The following HOXA3 variants were observed in gnomAD, a reference collection of about 807,000 sequenced individuals.
The protein encoded by HOXA3 is homeobox A3.
In HOXA3, 8 loss-of-function variants were observed where a neutral mutation model predicts 30.3. The ratio of observed to expected loss-of-function variants is 0.26; its 90% confidence interval spans 0.15 to 0.48. The LOEUF (loss-of-function observed/expected upper bound fraction) is 0.48, where lower values mean the gene tolerates loss of function less well. Ranked by LOEUF, HOXA3 falls within the 20% of genes least tolerant of loss-of-function variation. HOXA3 has a pLI of 0.99. For missense variants in HOXA3, 653 were observed against 614.4 expected, an observed-to-expected ratio of 1.06 and a Z score of -0.66; for synonymous variants, 323 against 273.1, an observed-to-expected ratio of 1.18 and a Z score of -1.80.
chr7:27,147,728 G>T (rs753858296), intron 1 of HOXA3: 4 of 1,609,648 alleles, frequency 2.5e-6, no homozygotes, highest in Non-Finnish European at 3.4e-6. Context: ...GGGAAAGTGG[G>T]ATTCACAAAA....
chr7:27,108,370 A>C lies in HOXA3; in HGVS notation c.877T>G (p.Ser293Ala). 6.4e-7 allele frequency: 1 copy of C among 1,565,750 alleles called. No homozygotes were observed. ...LVNSVPYEPQ[S>A]PPPFSKPPQG... ...GGGGGCTTGGAGAAGGGCGGGGGCG[A>C]CTGGGGCTCATACGGGACGCTGTTG... Residue 293 changes from serine to alanine, a missense_variant, in exon 6 of 6, where the codon TCG becomes GCG. By Grantham distance (99) the Ser-to-Ala change is moderately conservative. This residue lies in a region of HOXA3 where 330 missense variants were observed against 274.4 expected (regional missense o/e 1.20). Transcript: ENST00000612286. This position sits in a 1 kb window ranked among gnomAD's most constrained non-coding sequence, Gnocchi z 5.0.
intron 2 of HOXA3, chr7:27,129,329 C>G: frequency 6.2e-7 from 1 of 1,614,114 alleles, no homozygotes; most frequent in Non-Finnish European, 8.5e-7. Context: ...GAGGCCGAGG[C>G]CGAATTGGAG....
At chr7:27,147,566 T>A (rs1374676181) in intron 1 of HOXA3, 1 of 1,614,152 alleles carries the variant, frequency 6.2e-7, no homozygotes, top group African/African-American at 1.3e-5. Context: ...AGGACCGAGT[T>A]GGACTGTTGG....
intron 1 of HOXA3, 24 bp from the exon 2 acceptor site, chr7:27,140,210 C>T (rs1472842611): frequency 6.6e-6 from 1 of 151,994 alleles, no homozygotes; most frequent in Non-Finnish European, 1.5e-5. Flanking sequence ...AAATGGAGTC[C>T]AGCGTTAGTG....
intron 2 of HOXA3, among the ~76,000 whole-genome samples, chr7:27,127,756 T>A (rs929248): frequency 0.95 from 144,634 of 152,264 alleles, 68,781 homozygotes; most frequent in East Asian, 1. Flanking sequence ...GAGCAGAAAA[T>A]TCACAAAGCA....
At position 27,113,711 on chromosome 7, in the gene HOXA3, C is replaced by T. The variant is rs1057494967; in HGVS notation, c.-120-2951G>A. 1.3e-5 allele frequency: 2 copies of T among 152,300 alleles called. No individual in the cohort carries two copies. Among genetic ancestry groups the T allele is most frequent in the African/African-American group, 4.8e-5 (2 of 41,470 alleles). The allele number at this position is 152,300 out of a possible 1,614,324, so 9.4% of individuals were successfully genotyped here. On this transcript the variant is annotated intron_variant, in intron 4 of 5. Transcript: ENST00000612286. This position sits in a 1 kb window ranked among gnomAD's most constrained non-coding sequence, Gnocchi z 4.8. The stretch of plus-strand genomic sequence containing the variant: ...TGGCTTGGCGGCCCGGCCGGGTCCC[C>T]TCGGCGCGGGATGGGCACGGACCCT...
intron 1 of HOXA3, chr7:27,145,871 C>A: frequency 6.2e-7 from 1 of 1,614,064 alleles, no homozygotes; most frequent in East Asian, 2.2e-5. Flanking sequence ...TCTGGTAGCG[C>A]GTGTAGGTCT....
At position 27,130,257 on chromosome 7, in the gene HOXA3, C is replaced by A. The variant is rs112274824; in HGVS notation, c.-389-3187G>T. On this transcript the variant is annotated intron_variant, in intron 2 of 5. Transcript: ENST00000612286. ...CCGGGACGCCTGGGGTGGCGGGGGC[C>A]GCCTCGCAGCGCCGCGGGGCCGCTG... The A allele has an allele frequency of 8.6e-4, 1,032 of 1,194,018 alleles. 10 individuals are homozygous for A. In the African/African-American group the frequency reaches 0.015, roughly 17 times the overall value. The allele number at this position is 1,194,018 out of a possible 1,614,324, so 74.0% of individuals were successfully genotyped here.
At chr7:27,149,354 A>T (rs910445610) in intron 1 of HOXA3, among the ~76,000 whole-genome samples, 5 of 152,164 alleles carry the variant, frequency 3.3e-5, no homozygotes, top group Admixed American at 1.3e-4. Context: ...GATCTGTAAA[A>T]CCCTGGCCAA....
intron 1 of HOXA3, chr7:27,147,014 C>CCT (rs938116188): frequency 3.1e-5 from 15 of 476,200 alleles, no homozygotes; most frequent in African/African-American, 3.9e-5. Context: ...TCCCCACCAG[C>CCT]CTCTCTCTCT....
chr7:27,152,476 G>A lies in HOXA3; in HGVS notation c.-682C>T. 1 of 1,169,192 alleles carries A rather than the reference G, an allele frequency of 8.6e-7. No individual in the cohort carries two copies. The highest frequency in any genetic ancestry group is 1.1e-6 in the Non-Finnish European group (1 of 931,920). 72.4% of individuals were successfully genotyped at this position (1,169,192 alleles called of 1,614,324 possible). On this transcript the variant is annotated 5_prime_UTR_variant, in exon 1 of 6. Transcript: ENST00000612286. ...TCTCCAGCGGGAGCCGCCAGGCCTG[G>A]CCTGGCCGGGGCTTCCCTTCGCTCG...
intron 4 of HOXA3, among the ~76,000 whole-genome samples, chr7:27,119,154 C>G (rs920202812): frequency 7.1e-6 from 1 of 141,424 alleles, no homozygotes; most frequent in African/African-American, 2.6e-5. Flanking sequence ...GAGACCCCCC[C>G]CCCCAAAAAA....
chr7:27,131,076 C>G (rs1430479346), intron 2 of HOXA3, among the ~76,000 whole-genome samples: 1 of 152,154 alleles, frequency 6.6e-6, no homozygotes. Context: ...GCTTTGGACC[C>G]CAGCCCCCCA....
At chr7:27,141,557 G>T (rs1782570340) in intron 1 of HOXA3, 1 of 283,680 alleles carries the variant, frequency 3.5e-6, no homozygotes, top group Non-Finnish European at 6.6e-6. Flanking sequence ...TTTTGTTATA[G>T]TTACTTCAAG....
chr7:27,114,871 T>TAATATATATTATATATATTA (rs1205329439), intron 4 of HOXA3, among the ~76,000 whole-genome samples: 3 of 110,816 alleles, frequency 2.7e-5, no homozygotes, highest in African/African-American at 9.9e-5. Flanking sequence ...ATAATATATA[T>TAATATATATTATATATATTA]TATATATATG....
chr7:27,128,381 A>G lies in HOXA3; in HGVS notation c.-389-1311T>C, dbSNP rs1468074377. On this transcript the variant is annotated intron_variant, in intron 2 of 5. Transcript: ENST00000612286. ...CATACATACACACACTCTCACACAC[A>G]AATTATGTGAGCCGTCAGAATCCAA... 7.9e-5 allele frequency: 12 copies of G among 152,392 alleles called. No individual in the cohort carries two copies. In the East Asian group the frequency reaches 2.1e-3, roughly 27 times the overall value. 9.4% of individuals were successfully genotyped at this position (152,392 alleles called of 1,614,324 possible). A position where few individuals can be genotyped will look rare whatever the true frequency, so the allele number is the denominator to read the frequency against.
At chr7:27,151,405 G>T (rs1782968235) in intron 1 of HOXA3, 3 of 337,634 alleles carry the variant, frequency 8.9e-6, no homozygotes, top group Admixed American at 4.1e-5. Context: ...TCGCCAGTCC[G>T]TTGCGCCAAG....
intron 4 of HOXA3, chr7:27,116,708 T>C (rs771081287): frequency 5.9e-5 from 9 of 152,202 alleles, no homozygotes; most frequent in Non-Finnish European, 1.0e-4. Context: ...CTATATTATT[T>C]ATGAGTCTTT....
At chr7:27,148,404 T>C (rs1470731458) in intron 1 of HOXA3, among the ~76,000 whole-genome samples, 1 of 152,220 alleles carries the variant, frequency 6.6e-6, no homozygotes. Flanking sequence ...TAGGAATCGG[T>C]GAACTCCCTC....
Sources: gnomAD v4.1 joint callset for allele counts (sites outside exome capture counted in the v4.1 genomes callset) on GRCh38, gnomAD v4.1.1 for gene constraint, gnomAD v4.1.1 regional missense constraint, Gnocchi (gnomAD v3.1) non-coding constraint, MANE v1.5 for transcripts, NCBI Gene and HGNC (gene_info 2026-07-23, HGNC 2026-07-21) for gene names.